TRPS1: variants seen among roughly 807,000 people sequenced by gnomAD.
The protein encoded by TRPS1 is zinc finger transcription factor Trps1.
A neutral mutation model predicts 101.2 loss-of-function variants in TRPS1; 6 were observed. That is an observed-to-expected ratio of 0.06 (90% CI 0.03 to 0.12). TRPS1 has a LOEUF of 0.12. TRPS1 is among the 10% of genes least tolerant of loss of function. The pLI, the probability that TRPS1 is intolerant of heterozygous loss-of-function variation, is 1.00. For missense variants in TRPS1, 1,363 were observed against 1,567.0 expected, an observed-to-expected ratio of 0.87 and a Z score of 2.20; for synonymous variants, 578 against 589.8, an observed-to-expected ratio of 0.98 and a Z score of 0.29.
In TRPS1 at chr8:115,418,330, C is replaced by T. The variant is rs774932870; in HGVS notation, c.2823G>A (p.Ser941=). The change falls in exon 6 of 7, where the codon TCG becomes TCA. Residue 941 remains serine (S), a splice_region_variant and synonymous_variant. Transcript: ENST00000395715. This position sits in a 1 kb window ranked among gnomAD's most constrained non-coding sequence, Gnocchi z 4.3. ...CTGAAAGAGTGGAACAAGTTCTTAC[C>T]GAGTGAAGCTTCTGGTAGAGGCCAC... ...NACGLYQKLH[S]TPRPLNIIKQ... 8.1e-6 allele frequency: 13 copies of T among 1,613,916 alleles called. No homozygotes were observed. The Admixed American group carries it at 1.0e-4, about 12-fold the overall frequency.
chr8:115,668,147 G>C, intron 1 of TRPS1: 1 of 572,390 alleles, frequency 1.7e-6, no homozygotes, highest in Non-Finnish European at 3.1e-6. Context: ...CTGACTCCAG[G>C]GGCTACTGCA....
intron 5 of TRPS1, among the ~76,000 whole-genome samples, chr8:115,493,612 G>A (rs1269215954): frequency 5.9e-5 from 9 of 152,074 alleles, no homozygotes; most frequent in Non-Finnish European, 8.8e-5. Context: ...GCCTCCCAAA[G>A]TGCTAGGATT....
intron 1 of TRPS1, among the ~76,000 whole-genome samples, chr8:115,627,156 G>A (rs1379599482): frequency 6.6e-6 from 1 of 151,644 alleles, no homozygotes; most frequent in Non-Finnish European, 1.5e-5. Context: ...AATACCTCAT[G>A]GAGCCTCAAA....
At chr8:115,550,826 G>T (rs1311145519) in intron 5 of TRPS1, among the ~76,000 whole-genome samples, 1 of 152,180 alleles carries the variant, frequency 6.6e-6, no homozygotes, top group East Asian at 1.9e-4. Context: ...CACTGTTCAT[G>T]TAAACATTAG....
intron 5 of TRPS1, among the ~76,000 whole-genome samples, chr8:115,436,240 C>T (rs778412893): frequency 2.0e-5 from 3 of 152,060 alleles, no homozygotes; most frequent in Non-Finnish European, 2.9e-5. Flanking sequence ...ATATTTTGGC[C>T]GGGATTCAAG....
intron 5 of TRPS1, among the ~76,000 whole-genome samples, chr8:115,450,099 C>A (rs943184042): frequency 1.3e-5 from 2 of 152,042 alleles, no homozygotes; most frequent in African/African-American, 4.8e-5. Flanking sequence ...ACAGTCACAT[C>A]CTGTGCAGAG....
intron 5 of TRPS1, among the ~76,000 whole-genome samples, chr8:115,532,815 T>C (rs1029218810): frequency 6.6e-6 from 1 of 151,376 alleles, no homozygotes; most frequent in Non-Finnish European, 1.5e-5. Context: ...ATCAGAAGAG[T>C]AGTGAATAAA....
chr8:115,645,351 T>C (rs1057137181), intron 1 of TRPS1, among the ~76,000 whole-genome samples: 1 of 152,174 alleles, frequency 6.6e-6, no homozygotes, highest in African/African-American at 2.4e-5. Context: ...ATTATTCTCC[T>C]GCCGAAAAAC....
intron 5 of TRPS1, among the ~76,000 whole-genome samples, chr8:115,536,267 T>C (rs1169545356): frequency 6.6e-6 from 1 of 152,046 alleles, no homozygotes; most frequent in Non-Finnish European, 1.5e-5. Context: ...ACCCCTGTAA[T>C]CCCAGCACTT....
At chr8:115,503,422 T>TA (rs2130156229) in intron 5 of TRPS1, among the ~76,000 whole-genome samples, 1 of 152,244 alleles carries the variant, frequency 6.6e-6, no homozygotes, top group African/African-American at 2.4e-5. Context: ...ATAAATTGGG[T>TA]AAGGCTATCT....
intron 4 of TRPS1, among the ~76,000 whole-genome samples, chr8:115,600,825 G>C (rs945360348): frequency 2.6e-5 from 4 of 152,016 alleles, no homozygotes; most frequent in East Asian, 1.9e-4. Context: ...AGTTAATAGA[G>C]AGCAGGTACA....
At chr8:115,478,797 A>G (rs1814674489) in intron 5 of TRPS1, among the ~76,000 whole-genome samples, 1 of 149,624 alleles carries the variant, frequency 6.7e-6, no homozygotes, top group South Asian at 2.1e-4. Context: ...GTGAGACTTG[A>G]TCTCAAAAAA....
intron 5 of TRPS1, among the ~76,000 whole-genome samples, chr8:115,526,069 T>G (rs1815989283): frequency 6.6e-6 from 1 of 152,100 alleles, no homozygotes; most frequent in Non-Finnish European, 1.5e-5. Context: ...TAGGCTAACA[T>G]GAAAACATGT....
At chr8:115,492,456 A>G (rs1227574545) in intron 5 of TRPS1, among the ~76,000 whole-genome samples, 1 of 66,098 alleles carries the variant, frequency 1.5e-5, no homozygotes, top group Non-Finnish European at 2.8e-5. Flanking sequence ...GGTGCCAAGC[A>G]CTGTGTGTGT....
At chr8:115,447,778 A>T (rs1813773765) in intron 5 of TRPS1, among the ~76,000 whole-genome samples, 1 of 152,142 alleles carries the variant, frequency 6.6e-6, no homozygotes, top group African/African-American at 2.4e-5. Context: ...TTAAATACTT[A>T]AAAAAACCCA....
At chr8:115,563,845 C>A (rs142730867) in intron 5 of TRPS1, among the ~76,000 whole-genome samples, 366 of 152,160 alleles carry the variant, frequency 2.4e-3, no homozygotes, top group African/African-American at 8.4e-3. Flanking sequence ...GAAATCAATG[C>A]AGTCTTGGGT....
chr8:115,504,196 T>C (rs1183038771), intron 5 of TRPS1, among the ~76,000 whole-genome samples: 1 of 152,194 alleles, frequency 6.6e-6, no homozygotes, highest in East Asian at 1.9e-4. Context: ...ACTTAGACTA[T>C]TTAAAAATAT....
intron 5 of TRPS1, among the ~76,000 whole-genome samples, chr8:115,524,027 T>C (rs1304621533): frequency 6.6e-6 from 1 of 152,054 alleles, no homozygotes; most frequent in African/African-American, 2.4e-5. Flanking sequence ...AACTCCAGAG[T>C]CCAGAAAATT....
intron 5 of TRPS1, among the ~76,000 whole-genome samples, chr8:115,554,854 C>A (rs1816781031): frequency 6.6e-6 from 1 of 151,940 alleles, no homozygotes. Flanking sequence ...GAAAGGCGTG[C>A]CAGTGTGAAG....
Sources: allele counts gnomAD v4.1 joint callset (sites outside exome capture counted in the v4.1 genomes callset), GRCh38; gene constraint gnomAD v4.1.1; non-coding constraint Gnocchi (gnomAD v3.1); transcripts MANE v1.5; gene names NCBI Gene and HGNC (gene_info 2026-07-23, HGNC 2026-07-21).